Variants in CCND3 observed in about 807,000 individuals in gnomAD.
The protein encoded by CCND3 is G1/S-specific cyclin-D3.
Under a neutral mutation model 28.7 loss-of-function variants are expected in CCND3, and 9 were observed. That is an observed-to-expected ratio of 0.31 (90% confidence interval 0.19 to 0.55). The LOEUF (loss-of-function observed/expected upper bound fraction) is 0.55. Among genes scored for constraint, CCND3 ranks in the 20% least tolerant of loss-of-function variants. The pLI, the probability that CCND3 is intolerant of heterozygous loss-of-function variation, is 0.93. For missense variants in CCND3, 315 were observed against 385.8 expected (o/e 0.82, Z 1.54); for synonymous variants, 164 against 163.9 (o/e 1.00, Z 0.00).
intron 1 of CCND3, among the ~76,000 whole-genome samples, chr6:42,032,751 C>T (rs1412741541): frequency 6.6e-6 from 1 of 152,204 alleles, no homozygotes; most frequent in Non-Finnish European, 1.5e-5. Flanking sequence ...GCCAGGCTGC[C>T]TGACCTGTAC....
At chr6:42,028,942 T>A (rs1018029185) in intron 1 of CCND3, among the ~76,000 whole-genome samples, 9 of 151,494 alleles carry the variant, frequency 5.9e-5, no homozygotes, top group Admixed American at 5.3e-4. Flanking sequence ...CAAACTTGGT[T>A]AATGCTCTGT....
In CCND3 at chr6:41,939,299, T is replaced by G. The variant is rs1775912871; in HGVS notation, c.414+1071A>C. On this transcript the variant is annotated intron_variant, in intron 2 of 4. Coordinates refer to ENST00000372991, the MANE Select transcript of CCND3 (RefSeq NM_001760.5). The surrounding 1 kb of genome is among the most constrained non-coding windows in gnomAD (Gnocchi z 4.2). ...GCAGCCTGCTTGCTGCCCTCCTCCCTGGGAGATGGGGCCCAGAGACTCCTC... is the reference window on the plus strand; with the variant it reads ...GCAGCCTGCTTGCTGCCCTCCTCCCGGGGAGATGGGGCCCAGAGACTCCTC... Among the ~76,000 whole-genome samples the G allele has an allele frequency of 6.6e-6, 1 of 151,884 alleles. No individual in the cohort carries two copies. Among genetic ancestry groups the G allele is most frequent in the African/African-American group, 2.4e-5 (1 of 41,342 alleles).
intron 1 of CCND3, among the ~76,000 whole-genome samples, chr6:42,035,908 C>T (rs572282267): frequency 1.6e-4 from 24 of 152,110 alleles, no homozygotes; most frequent in African/African-American, 5.8e-4. Flanking sequence ...GAACTCCTGA[C>T]TTTGTGATCC....
chr6:41,936,010 G>C lies in CCND3; in HGVS notation c.809C>G (p.Pro270Arg), dbSNP rs1582080131. The change falls in exon 5 of 5, where the codon CCC (proline) becomes CGC (arginine). Residue 270 changes from proline (P) to arginine (R), a missense_variant. By Grantham distance (103) the Pro-to-Arg change is moderately radical. Coordinates refer to ENST00000372991, the MANE Select transcript of CCND3 (RefSeq NM_001760.5). The surrounding 1 kb of genome is among the most constrained non-coding windows in gnomAD (Gnocchi z 4.4). ...QTSSSPAPKAPRGSSSQGPSQ... is the reference protein window; with the variant it reads ...QTSSSPAPKARRGSSSQGPSQ... ...GGGCCCTTGGCTGCTGGAGCCCCGG[G>C]GGGCTTTGGGCGCTGGGCTGGAGCT... The C allele has an allele frequency of 3.7e-6, 6 of 1,613,380 alleles. No individual in the cohort carries two copies. The highest frequency in any genetic ancestry group is 5.1e-6 in the Non-Finnish European group (6 of 1,179,616).
At chr6:41,950,771 C>T (rs576292570) in intron 1 of CCND3, among the ~76,000 whole-genome samples, 5 of 149,638 alleles carry the variant, frequency 3.3e-5, no homozygotes, top group South Asian at 4.3e-4. Flanking sequence ...TGCAGTGGCG[C>T]GATCTCAGCT....
intron 1 of CCND3, among the ~76,000 whole-genome samples, chr6:42,038,418 T>G (rs1764287019): frequency 6.6e-6 from 1 of 151,978 alleles, no homozygotes; most frequent in African/African-American, 2.4e-5. Flanking sequence ...CTTGTGCCTG[T>G]GGTCCCAGTT....
Position 41,940,426 on chromosome 6 carries a change from T to G in CCND3, c.358A>C (p.Thr120Pro), listed in dbSNP as rs758360513. The change falls in exon 2 of 5, where the codon ACC becomes CCC. Residue 120 changes from threonine (T) to proline (P), a missense_variant. Physicochemically the swap from Thr to Pro is conservative, Grantham distance 38 (BLOSUM62 -1). Transcript: ENST00000372991. ...ASKLRETTPL[T>P]IEKLCIYTDH... Reference sequence around the variant, plus strand: ...GTGTAGATGCACAGTTTTTCGATGGTCAGGGGCGTGGTCTCGCGCAGCTTG... The same window carrying G: ...GTGTAGATGCACAGTTTTTCGATGGGCAGGGGCGTGGTCTCGCGCAGCTTG... 3.7e-6 allele frequency: 6 copies of G among 1,613,724 alleles called. No homozygotes were observed. The South Asian group carries it at 6.6e-5, about 18-fold the overall frequency.
chr6:42,012,279 G>A (rs755517147), intron 1 of CCND3, among the ~76,000 whole-genome samples: 2 of 151,858 alleles, frequency 1.3e-5, no homozygotes, highest in African/African-American at 2.4e-5. Flanking sequence ...GGTGGCGGGC[G>A]CCTCTAATCC....
At chr6:41,989,963 A>G (rs1329933335) in intron 1 of CCND3, among the ~76,000 whole-genome samples, 1 of 152,156 alleles carries the variant, frequency 6.6e-6, no homozygotes, top group East Asian at 1.9e-4. Context: ...AGCCAGAGCA[A>G]TTAGGCAAGA....
chr6:41,996,439 C>G (rs559160482), intron 1 of CCND3, among the ~76,000 whole-genome samples: 2 of 151,578 alleles, frequency 1.3e-5, no homozygotes, highest in Non-Finnish European at 1.5e-5. Context: ...TGTAAGCCAC[C>G]GCGCCCAGCC....
upstream of CCND3, among the ~76,000 whole-genome samples, chr6:41,943,879 T>C (rs1191448369): frequency 6.6e-6 from 1 of 152,242 alleles, no homozygotes; most frequent in Non-Finnish European, 1.5e-5. Flanking sequence ...AGCTTATTCA[T>C]TTATAGGGAT....
In CCND3 at chr6:42,048,337, G is replaced by A. The variant is rs1455203430; in HGVS notation, c.-46+164C>T. The A allele has an allele frequency of 1.8e-5, 6 of 339,004 alleles. No homozygotes were observed. The highest frequency in any genetic ancestry group is 3.5e-5 in the Non-Finnish European group (6 of 171,062). 21.0% of individuals were successfully genotyped at this position (339,004 alleles called of 1,614,324 possible). ...TTTCTCTGCCCTTCAATTCCGTGCA[G>A]AACACCTCACTCAGTGGGAAAGTGA... is the stretch of plus-strand genomic sequence containing the variant. On this transcript the variant is annotated intron_variant, in intron 1 of 4. Coordinates refer to the CCND3 transcript ENST00000372988. The surrounding 1 kb of genome is among the most constrained non-coding windows in gnomAD (Gnocchi z 4.7).
At chr6:42,033,982 G>C (rs889506030) in intron 1 of CCND3, among the ~76,000 whole-genome samples, 1 of 152,056 alleles carries the variant, frequency 6.6e-6, no homozygotes, top group Non-Finnish European at 1.5e-5. Context: ...TAGAAGAAAC[G>C]CTGTTGCTAC....
Position 41,941,281 on chromosome 6 carries a change from G to A in CCND3, c.198+171C>T, listed in dbSNP as rs577743238. 6.2e-6 allele frequency: 9 copies of A among 1,441,726 alleles called. No individual in the cohort carries two copies. In the African/African-American group the frequency reaches 1.1e-4, roughly 18 times the overall value. The allele number at this position is 1,441,726 out of a possible 1,614,324, so 89.3% of individuals were successfully genotyped here. A position where few individuals can be genotyped will look rare whatever the true frequency, so the allele number is the denominator to read the frequency against. On this transcript the variant is annotated intron_variant, in intron 1 of 4. Coordinates refer to ENST00000372991, the MANE Select transcript of CCND3 (RefSeq NM_001760.5). The surrounding 1 kb of genome is among the most constrained non-coding windows in gnomAD (Gnocchi z 6.1). ...TCGGGAGGAGCCGATTAGGGCTCGG[G>A]AAAGCAAGGGAGGCAGCTGGCGTGG... is the stretch of plus-strand genomic sequence containing the variant.
At chr6:42,041,064 G>A (rs2127440951) in intron 1 of CCND3, among the ~76,000 whole-genome samples, 1 of 152,284 alleles carries the variant, frequency 6.6e-6, no homozygotes, top group South Asian at 2.1e-4. Context: ...AACATCTTGA[G>A]TGCCATGTGT....
chr6:41,955,615 T>C (rs1226951593), intron 1 of CCND3, among the ~76,000 whole-genome samples: 1 of 109,082 alleles, frequency 9.2e-6, no homozygotes, highest in Admixed American at 1.1e-4. Context: ...ACATTAAAAG[T>C]AAACCAGGCA....
At chr6:41,971,080 G>C (rs1161679882) in intron 1 of CCND3, among the ~76,000 whole-genome samples, 1 of 151,994 alleles carries the variant, frequency 6.6e-6, no homozygotes, top group African/African-American at 2.4e-5. Flanking sequence ...ACCATGCCCA[G>C]CTAATTTTCG....
At position 41,940,589 on chromosome 6, in the gene CCND3, G is replaced by C; in HGVS notation, c.199-4C>G. 7 of 1,610,412 alleles carry C rather than the reference G, an allele frequency of 4.3e-6. No individual in the cohort carries two copies. The highest frequency in any genetic ancestry group is 5.9e-6 in the Non-Finnish European group (7 of 1,177,382). On this transcript the variant is annotated splice_polypyrimidine_tract_variant and splice_region_variant and intron_variant, in intron 1 of 4. Transcript: ENST00000372991. Reference sequence around the variant, plus strand: ...CACAGCGCTGCTCCTCACATACCTGGGGGAGGGCGCACAGTCACTGCTGGG... The same window carrying C: ...CACAGCGCTGCTCCTCACATACCTGCGGGAGGGCGCACAGTCACTGCTGGG...
At chr6:41,962,742 C>T (rs1055769555) in intron 1 of CCND3, among the ~76,000 whole-genome samples, 38 of 132,846 alleles carry the variant, frequency 2.9e-4, no homozygotes, top group African/African-American at 1.0e-3. Context: ...AGAGTGAGAT[C>T]CTGTCTCAAA....
Sources: allele counts gnomAD v4.1 joint callset (sites outside exome capture counted in the v4.1 genomes callset), GRCh38; gene constraint gnomAD v4.1.1; non-coding constraint Gnocchi (gnomAD v3.1); transcripts MANE v1.5; gene names NCBI Gene and HGNC (gene_info 2026-07-23, HGNC 2026-07-21).